TCP11L1: variants seen among roughly 807,000 people sequenced by gnomAD.
TCP11L1 encodes T-complex protein 11-like protein 1.
In TCP11L1, 28 loss-of-function variants were observed where a neutral mutation model predicts 48.9. The ratio of observed to expected loss-of-function variants is 0.57; its 90% CI spans 0.42 to 0.78. The LOEUF is 0.78. Ranked by LOEUF, TCP11L1 falls within the 30% of genes least tolerant of loss-of-function variation. TCP11L1 has a pLI of 0.00. For synonymous variants in TCP11L1, 204 were observed against 231.9 expected (o/e 0.88, Z 1.09); for missense variants, 505 against 613.4 (o/e 0.82, Z 1.87).
In TCP11L1 at chr11:33,061,847, G is replaced by GAGGT. The variant is rs1270791161; in HGVS notation, c.972+124_972+125insTAGG. ...TGTAATCCCAGCACTTTGGGAGGCA[G>GAGGT]AGGCAGGCAGATTGCTTGAGGTCAG... is the stretch of plus-strand genomic sequence containing the variant. On this transcript the variant is annotated intron_variant, in intron 7 of 9. Transcript: ENST00000334274. 5 of 997,262 alleles carry GAGGT rather than the reference G, an allele frequency of 5.0e-6. No individual in the cohort carries two copies. The African/African-American group carries it at 8.2e-5, about 16-fold the overall frequency. 61.8% of individuals were successfully genotyped at this position (997,262 alleles called of 1,614,324 possible).
intron 7 of TCP11L1, among the ~76,000 whole-genome samples, chr11:33,064,138 T>TA (rs1207145777): frequency 7.3e-5 from 11 of 151,454 alleles, no homozygotes; most frequent in African/African-American, 1.5e-4. Context: ...AACCCTCTCG[T>TA]AAAAAAAATA....
intron 7 of TCP11L1, 32 bp downstream of exon 7, chr11:33,061,758 T>C (rs1426595994): frequency 6.5e-7 from 1 of 1,543,322 alleles, no homozygotes; most frequent in Non-Finnish European, 8.8e-7. Flanking sequence ...ACTACTCATA[T>C]TTGTTTTTGT....
In TCP11L1 at chr11:33,059,032, C is replaced by G. The variant is rs200999998; in HGVS notation, c.712C>G (p.Leu238Val). The G allele has an allele frequency of 6.2e-7, 1 of 1,614,220 alleles. No individual in the cohort carries two copies. Among genetic ancestry groups the G allele is most frequent in the East Asian group, 2.2e-5 (1 of 44,888 alleles). ...TGCTATCAGTAGCATCAGGCCTCAT[C>G]TCATGCAGCAGTCAGTTGAATACGA... Reference protein sequence around the residue: ...NFAISSIRPHLMQQSVEYERK... With the variant: ...NFAISSIRPHVMQQSVEYERK... Residue 238 changes from leucine to valine, a missense_variant, in exon 6 of 10, where the codon CTC becomes GTC. Coordinates refer to ENST00000334274, the MANE Select transcript of TCP11L1 (RefSeq NM_018393.4).
intron 6 of TCP11L1, among the ~76,000 whole-genome samples, chr11:33,061,260 C>T (rs904146661): frequency 1.3e-5 from 2 of 152,154 alleles, no homozygotes; most frequent in Non-Finnish European, 2.9e-5. Context: ...CTGGCTTATT[C>T]ATTATCTTGT....
chr11:33,056,879 G>T (rs923830056), intron 3 of TCP11L1, among the ~76,000 whole-genome samples: 4 of 152,152 alleles, frequency 2.6e-5, no homozygotes, highest in African/African-American at 9.7e-5. Flanking sequence ...TTGGATTAAT[G>T]TTGGCTATCC....
chr11:33,068,974 T>C lies in TCP11L1; in HGVS notation c.1327+115T>C, dbSNP rs1008183037. The C allele has an allele frequency of 6.7e-6, 9 of 1,336,144 alleles. No homozygotes were observed. In the South Asian group the frequency reaches 1.2e-4, roughly 17 times the overall value. 82.8% of individuals were successfully genotyped at this position (1,336,144 alleles called of 1,614,324 possible). On this transcript the variant is annotated intron_variant, in intron 9 of 9. Transcript: ENST00000334274. ...GTTAAGGTGCTGATGGGTGAGGAGA[T>C]GGTGTAATGAAGCACCACAGAGAGA...
intron 8 of TCP11L1, among the ~76,000 whole-genome samples, chr11:33,067,429 G>A (rs774985959): frequency 6.6e-6 from 1 of 152,154 alleles, no homozygotes; most frequent in Non-Finnish European, 1.5e-5. Flanking sequence ...GGGCGTGTCC[G>A]TAAGTTGTGA....
chr11:33,060,458 T>G (rs1010142646), intron 6 of TCP11L1, among the ~76,000 whole-genome samples: 1 of 152,000 alleles, frequency 6.6e-6, no homozygotes, highest in African/African-American at 2.4e-5. Context: ...CCTGCCCCAG[T>G]GAAGAGCAAA....
intron 2 of TCP11L1, 26 bp downstream of exon 2, chr11:33,043,962 T>C (rs774987655): frequency 1.9e-5 from 30 of 1,569,282 alleles, no homozygotes; most frequent in Admixed American, 1.4e-4. Context: ...TTTGGTTAGA[T>C]GCAATATTGT....
At chr11:33,051,016 G>T (rs1241080101) in intron 2 of TCP11L1, among the ~76,000 whole-genome samples, 3 of 151,844 alleles carry the variant, frequency 2.0e-5, no homozygotes, top group Non-Finnish European at 4.4e-5. Context: ...TCGCCATGTT[G>T]CCCAGGCTGT....
intron 8 of TCP11L1, among the ~76,000 whole-genome samples, chr11:33,066,478 A>G (rs10836019): frequency 0.42 from 63,965 of 151,870 alleles, 13,774 homozygotes; most frequent in African/African-American, 0.51. Context: ...GTAAGCCATG[A>G]GCAGGGTGGG....
At chr11:33,048,126 C>A (rs1436148112) in intron 2 of TCP11L1, among the ~76,000 whole-genome samples, 1 of 152,086 alleles carries the variant, frequency 6.6e-6, no homozygotes. Flanking sequence ...AATTTAGCAA[C>A]AACTTTAGCT....
At chr11:33,064,155 A>T (rs781657911) in intron 7 of TCP11L1, among the ~76,000 whole-genome samples, 1 of 152,062 alleles carries the variant, frequency 6.6e-6, no homozygotes, top group Non-Finnish European at 1.5e-5. Context: ...AATAAATAGA[A>T]AAGAAAAGAA....
chr11:33,054,969 A>G (rs1242158580), intron 3 of TCP11L1, among the ~76,000 whole-genome samples: 2 of 152,230 alleles, frequency 1.3e-5, no homozygotes, highest in Admixed American at 1.3e-4. Context: ...GCCTTGTTTC[A>G]TTCACTTCTT....
rs976925514 is a variant in TCP11L1 at position 33,039,577 on chromosome 11, C to A, written c.-240C>A. ...GGCGCCTCCCGGCCAAGAGCAGTCT[C>A]CTCCTTCCTGATGCTGAGAAGCGGC... On this transcript the variant is annotated 5_prime_UTR_variant, in exon 1 of 10. Transcript: ENST00000334274. The A allele has an allele frequency of 4.6e-5, 7 of 152,336 alleles. No individual in the cohort carries two copies. The highest frequency in any genetic ancestry group is 1.7e-4 in the African/African-American group (7 of 41,474). 9.4% of individuals were successfully genotyped at this position (152,336 alleles called of 1,614,324 possible). A position where few individuals can be genotyped will look rare whatever the true frequency, so the allele number is the denominator to read the frequency against.
rs150733625 is a variant in TCP11L1, at chr11:33,065,852, G to A, written c.995G>A (p.Arg332His). The A allele has an allele frequency of 5.0e-6, 8 of 1,613,880 alleles. No homozygotes were observed. The highest frequency in any genetic ancestry group is 3.3e-5 in the Admixed American group (2 of 60,002). Reference sequence around the variant, plus strand: ...CAGACAGTTTTAATGGACCAGTCTCGCTTCCACGAGCTCCAGTTGCAGCTG... The same window carrying A: ...CAGACAGTTTTAATGGACCAGTCTCACTTCCACGAGCTCCAGTTGCAGCTG... ...FPETVLMDQS[R>H]FHELQLQLEQ... Residue 332 changes from arginine to histidine, a missense_variant, in exon 8 of 10, where the codon CGC (arginine) becomes CAC (histidine). Transcript: ENST00000334274.
rs779054981 is a variant in TCP11L1 at position 33,054,735 on chromosome 11, T to C, written c.296+10T>C. 3.7e-6 allele frequency: 6 copies of C among 1,609,818 alleles called. No individual in the cohort carries two copies. In the South Asian group the frequency reaches 6.7e-5, roughly 18 times the overall value. ...AATTACCAGAAAACAGGTAAGGTGG[T>C]TGCTAAATTATCTTGCTTAGTAGAA... On this transcript the variant is annotated intron_variant, in intron 3 of 9. Transcript: ENST00000334274.
chr11:33,069,792 AG>A (rs1854724884), intron 9 of TCP11L1, among the ~76,000 whole-genome samples: 2 of 152,160 alleles, frequency 1.3e-5, no homozygotes, highest in African/African-American at 4.8e-5. Context: ...TATCTTCTAA[AG>A]ATGGGGTTTT....
chr11:33,049,071 G>T (rs1564976070), intron 2 of TCP11L1, among the ~76,000 whole-genome samples: 3 of 152,140 alleles, frequency 2.0e-5, no homozygotes, highest in Non-Finnish European at 4.4e-5. Context: ...CCAACATGGT[G>T]AAACCCTGTC....
Sources: gnomAD v4.1 joint callset for allele counts (sites outside exome capture counted in the v4.1 genomes callset) on GRCh38, gnomAD v4.1.1 for gene constraint, MANE v1.5 for transcripts, NCBI Gene and HGNC (gene_info 2026-07-23, HGNC 2026-07-21) for gene names.